The following TMC4 variants were observed in gnomAD, a reference collection of about 807,000 sequenced individuals.
TMC4 encodes the protein voltage-gated chloride channel TMC4.
In TMC4, 70 loss-of-function variants were observed where a neutral mutation model predicts 82.0. That is an observed-to-expected ratio of 0.85 (90% CI 0.70 to 1.04). The LOEUF (loss-of-function observed/expected upper bound fraction) is 1.04. Among genes scored for constraint, TMC4 ranks in the 50% least tolerant of loss-of-function variants. The probability of loss-of-function intolerance (pLI) is 0.00; values close to 1 mark genes in which losing one functional copy is unlikely to be tolerated. For synonymous variants in TMC4, 446 were observed against 406.0 expected (o/e 1.10, Z -1.18); for missense variants, 879 against 899.0 (o/e 0.98, Z 0.28).
At chr19:54,161,525 C>CTGT (rs759305499) in intron 11 of TMC4, among the ~76,000 whole-genome samples, 38 of 150,632 alleles carry the variant, frequency 2.5e-4, no homozygotes, top group Non-Finnish European at 4.9e-4. Flanking sequence ...ATTTGTTTTG[C>CTGT]TGTTGTTGTT....
At chr19:54,163,497 G>A (rs2075621821) in intron 8 of TMC4, among the ~76,000 whole-genome samples, 1 of 151,560 alleles carries the variant, frequency 6.6e-6, no homozygotes, top group Non-Finnish European at 1.5e-5. Context: ...TACTACAGAC[G>A]GGGTTTCATC....
intron 5 of TMC4, among the ~76,000 whole-genome samples, 162 bp from the exon 6 acceptor site, chr19:54,165,728 A>C (rs192108850): frequency 2.7e-3 from 408 of 152,272 alleles, no homozygotes; most frequent in African/African-American, 9.5e-3. Flanking sequence ...AAAGAGGCGG[A>C]GACACAGTCA....
chr19:54,167,613 CTTT>C (rs754706697), intron 5 of TMC4, among the ~76,000 whole-genome samples: 3 of 136,718 alleles, frequency 2.2e-5, no homozygotes, highest in African/African-American at 5.3e-5. Flanking sequence ...AAACCTTGAT[CTTT>C]TTTTTTTTTT....
intron 10 of TMC4, 97 bp from the exon 11 acceptor site, chr19:54,162,382 TTGG>T (rs1354724632): frequency 0.085 from 36,711 of 430,778 alleles, 820 homozygotes; most frequent in Middle Eastern, 0.093. Flanking sequence ...AGCATGCGTA[TTGG>T]TGGTGGGGGG....
At position 54,171,891 on chromosome 19, in the gene TMC4, A is replaced by G. The variant is rs376272903; in HGVS notation, c.272T>C (p.Met91Thr). ...PHPSRELPWPMQARRAHRQRN... is the reference protein window; with the variant it reads ...PHPSRELPWPTQARRAHRQRN... ...TCACCTGTGTGCCCGTCTGGCCTGC[A>G]TGGGCCAGGGCAGTTCCCGGGAAGG... The change falls in exon 2 of 15, where the codon ATG (methionine) becomes ACG (threonine). Residue 91 changes from methionine to threonine, a missense_variant. Physicochemically the swap from Met to Thr is moderately conservative, Grantham distance 81. Transcript: ENST00000619895. 1.2e-6 allele frequency: 2 copies of G among 1,609,130 alleles called. No homozygotes were observed. Among genetic ancestry groups the G allele is most frequent in the Non-Finnish European group, 1.7e-6 (2 of 1,177,294 alleles).
At chr19:54,171,766 A>G in intron 2 of TMC4, 104 bp downstream of exon 2, 1 of 1,089,808 alleles carries the variant, frequency 9.2e-7, no homozygotes. Context: ...GAGAGGCCCC[A>G]GAAGCCAGGA....
intron 13 of TMC4, 28 bp downstream of exon 13, chr19:54,160,850 C>T (rs763990312): frequency 6.2e-7 from 1 of 1,611,678 alleles, no homozygotes; most frequent in East Asian, 2.2e-5. Flanking sequence ...GCATTCAAAC[C>T]CAGACCCAGA....
intron 2 of TMC4, among the ~76,000 whole-genome samples, chr19:54,171,274 A>G (rs528595038): frequency 6.6e-6 from 1 of 152,048 alleles, no homozygotes; most frequent in African/African-American, 2.4e-5. Flanking sequence ...ACACCCAGCT[A>G]ATGTTTGTAT....
rs970984498 is a variant in TMC4, at chr19:54,163,301, T to G, written c.1278-142A>C. ...GACAGAATCAGGATTTCTTTCTTTC[T>G]TTCTTTCTTTTTTTTTTTTTTTTTT... On this transcript the variant is annotated intron_variant, in intron 8 of 14. Transcript: ENST00000619895. 1.5e-4 allele frequency: 153 copies of G among 1,025,988 alleles called. 1 individual carries two copies. The East Asian group carries it at 4.0e-3, about 27-fold the overall frequency. The allele number at this position is 1,025,988 out of a possible 1,614,324, so 63.6% of individuals were successfully genotyped here.
Position 54,166,971 on chromosome 19 carries a change from A to G in TMC4, c.797+1200T>C, listed in dbSNP as rs187030681. 6.6e-3 allele frequency among the ~76,000 whole-genome samples: 990 copies of G among 149,864 alleles called. 6 individuals carry two copies. The highest frequency in any genetic ancestry group is 9.7e-3 in the Non-Finnish European group (653 of 67,504). On this transcript the variant is annotated intron_variant, in intron 5 of 14. Transcript: ENST00000619895. ...CCGTCTCAAAAAAAAAAAAAAGTTG[A>G]CTTTTGGCCAGGCACATTGGCTCAT...
At position 54,160,542 on chromosome 19, in the gene TMC4, G is replaced by A. The variant is rs985929479; in HGVS notation, c.1977C>T (p.Ile659=). The A allele has an allele frequency of 1.5e-5, 25 of 1,614,190 alleles. No homozygotes were observed. The highest frequency in any genetic ancestry group is 2.1e-5 in the Non-Finnish European group (25 of 1,180,030). The change falls in exon 14 of 15, where the codon ATC becomes ATT. Residue 659 remains isoleucine (I), a synonymous_variant. Transcript: ENST00000619895. ...FAVPLLLISS[I]LMAYTVALAN... is the part of the protein sequence containing the mutation. Reference sequence around the variant, plus strand: ...CCAGAGCCACAGTGTACGCCATCAGGATGCTGAAGGAGACAGGAACGGAAG... The same window carrying A: ...CCAGAGCCACAGTGTACGCCATCAGAATGCTGAAGGAGACAGGAACGGAAG...
In TMC4 at chr19:54,165,566, G is replaced by A. The variant is rs947281611; in HGVS notation, c.798C>T (p.Arg266=). ...GTGTCTGCTTCAGCCCAGACACCGAGCTGAGAGGGGAGACCCGGGAGACGG... is the reference window on the plus strand; with the variant it reads ...GTGTCTGCTTCAGCCCAGACACCGAACTGAGAGGGGAGACCCGGGAGACGG... ...GLICLLLILH[R]SVSGLKQTLL... is the part of the protein sequence containing the mutation. Residue 266 remains arginine, a splice_region_variant and synonymous_variant, in exon 6 of 15, where the codon CGC becomes CGT. Transcript: ENST00000619895. 4 of 1,597,390 alleles carry A rather than the reference G, an allele frequency of 2.5e-6. No individual in the cohort carries two copies. The highest frequency in any genetic ancestry group is 3.4e-6 in the Non-Finnish European group (4 of 1,167,854).
At position 54,160,472 on chromosome 19, in the gene TMC4, C is replaced by G. The variant is rs36657; in HGVS notation, c.2047G>C (p.Glu683Gln). 781,890 of 1,613,542 alleles carry G rather than the reference C, an allele frequency of 0.48. 191,647 individuals carry two copies. The highest frequency in any genetic ancestry group is 0.72 in the East Asian group (32,465 of 44,864). Reference protein sequence around the residue: ...RLISELKRQRETEAQNKVFLA... With the variant: ...RLISELKRQRQTEAQNKVFLA... ...CAGGGACCCGCCTGGCTCACCGTCT[C>G]TCTCTGACGTTTGAGCTCAGAGATG... Residue 683 changes from glutamate (E) to glutamine (Q), a missense_variant, in exon 14 of 15, where the codon GAG becomes CAG. By Grantham distance (29) the Glu-to-Gln change is conservative. Coordinates refer to ENST00000619895, the MANE Select transcript of TMC4 (RefSeq NM_144686.4).
rs1170983259 is a variant in TMC4 at position 54,168,887 on chromosome 19, C to CTTTTCTTTTCTTTTCTTTTCT, written c.443-208_443-207insAGAAAAGAAAAGAAAAGAAAA. ...CTTTTCTTTTCTTTTCTTTTCTTTT[C>CTTTTCTTTTCTTTTCTTTTCT]TTTCTTTCCTTTCTTTCTTCTTTCT... is the stretch of plus-strand genomic sequence containing the variant. On this transcript the variant is annotated intron_variant, in intron 3 of 14. Transcript: ENST00000619895. 8.9e-5 allele frequency among the ~76,000 whole-genome samples: 2 copies of CTTTTCTTTTCTTTTCTTTTCT among 22,552 alleles called. 1 individual carries two copies. The highest frequency in any genetic ancestry group is 1.4e-3 in the Admixed American group (2 of 1,458). 14.8% of individuals were successfully genotyped at this position (22,552 alleles called of 152,430 possible).
At chr19:54,164,725 TAAC>T (rs1443909437) in intron 6 of TMC4, 124 bp from the exon 7 acceptor site, 1 of 1,291,280 alleles carries the variant, frequency 7.7e-7, no homozygotes, top group Non-Finnish European at 1.1e-6. Flanking sequence ...CCCCACCCGC[TAAC>T]AACCTCTGCA....
chr19:54,162,989 C>T (rs1488170268), intron 9 of TMC4, 44 bp downstream of exon 9: 1 of 1,613,830 alleles, frequency 6.2e-7, no homozygotes. Flanking sequence ...TCCATCTTTC[C>T]TTCAGGGACC....
At position 54,173,077 on chromosome 19, in the gene TMC4, G is replaced by A; in HGVS notation, c.41C>T (p.Ser14Phe). Reference sequence around the variant, plus strand: ...CCGGGGGGCCAGCCACTCCCTAGAGGAGCCCCAGGCTTCTGATTCCAAGGT... The same window carrying A: ...CCGGGGGGCCAGCCACTCCCTAGAGAAGCCCCAGGCTTCTGATTCCAAGGT... The part of the protein sequence containing the change: ...NPTLESEAWG[S>F]SREWLAPREA... The change falls in exon 1 of 15, where the codon TCC becomes TTC. Residue 14 changes from serine (S) to phenylalanine (F), a missense_variant. Transcript: ENST00000619895. 1 of 1,612,468 alleles carries A rather than the reference G, an allele frequency of 6.2e-7. No homozygotes were observed. The highest frequency in any genetic ancestry group is 8.5e-7 in the Non-Finnish European group (1 of 1,179,586).
In TMC4 at chr19:54,161,225, G is replaced by A; in HGVS notation, c.1722C>T (p.Arg574=). The part of the protein sequence containing the change: ...TLFSTCSPAA[R]TFRASAANFF... Reference sequence around the variant, plus strand: ...AATTCGCCGCGGAGGCCCGGAAGGTGCGGGCAGCCGGGGAGCAGGTGGAGA... The same window carrying A: ...AATTCGCCGCGGAGGCCCGGAAGGTACGGGCAGCCGGGGAGCAGGTGGAGA... Residue 574 remains arginine (R), a synonymous_variant, in exon 12 of 15, where the codon CGC becomes CGT. Transcript: ENST00000619895. The A allele has an allele frequency of 6.3e-7, 1 of 1,575,518 alleles. No individual in the cohort carries two copies. Among genetic ancestry groups the A allele is most frequent in the Non-Finnish European group, 8.6e-7 (1 of 1,162,232 alleles).
Position 54,171,912 on chromosome 19 carries a change from G to A in TMC4, c.251C>T (p.Ser84Phe). ...CTGCATGGGCCAGGGCAGTTCCCGG[G>A]AAGGGTGAGGGTCCTGCAGCTCTGT... ...TQTELQDPHP[S>F]RELPWPMQAR... The change falls in exon 2 of 15, where the codon TCC becomes TTC. Residue 84 changes from serine to phenylalanine, a missense_variant. Ser to Phe is a radical substitution (Grantham distance 155). Coordinates refer to ENST00000619895, the MANE Select transcript of TMC4 (RefSeq NM_144686.4). The A allele has an allele frequency of 6.2e-7, 1 of 1,612,930 alleles. No homozygotes were observed. Among genetic ancestry groups the A allele is most frequent in the Non-Finnish European group, 8.5e-7 (1 of 1,179,396 alleles).
Sources: allele counts gnomAD v4.1 joint callset (sites outside exome capture counted in the v4.1 genomes callset), GRCh38; gene constraint gnomAD v4.1.1; transcripts MANE v1.5; gene names NCBI Gene and HGNC (gene_info 2026-07-23, HGNC 2026-07-21).